Variants in IGF2BP1 observed in about 807,000 individuals in gnomAD.
IGF2BP1 encodes the protein insulin-like growth factor 2 mRNA-binding protein 1.
IGF2BP1 carries 11 observed loss-of-function variants against 74.9 expected under a neutral mutation model. The ratio of observed to expected loss-of-function variants is 0.15; its 90% CI spans 0.09 to 0.24. IGF2BP1 has a LOEUF of 0.24. Ranked by LOEUF, IGF2BP1 falls within the 10% of genes least tolerant of loss-of-function variation. The probability of loss-of-function intolerance (pLI) is 1.00; values close to 1 mark genes in which losing one functional copy is unlikely to be tolerated. For missense variants in IGF2BP1, 440 were observed against 757.4 expected (o/e 0.58, Z 4.92); for synonymous variants, 287 against 281.8 (o/e 1.02, Z -0.18).
At chr17:49,048,546 C>T (rs2042131527) in intron 14 of IGF2BP1, among the ~76,000 whole-genome samples, 1 of 152,152 alleles carries the variant, frequency 6.6e-6, no homozygotes, top group African/African-American at 2.4e-5. Context: ...AGCCACCGTG[C>T]ACCTGGCCAT....
chr17:49,017,056 T>C (rs2144003629), intron 2 of IGF2BP1, among the ~76,000 whole-genome samples: 1 of 150,654 alleles, frequency 6.6e-6, no homozygotes, highest in East Asian at 2.0e-4. Context: ...AAGGACTGAG[T>C]CAGTGGTGAT....
chr17:49,043,511 C>T lies in IGF2BP1; in HGVS notation c.1161C>T (p.Pro387=). Residue 387 remains proline (P), a synonymous_variant, in exon 10 of 15, where the codon CCC becomes CCT. Coordinates refer to ENST00000290341, the MANE Select transcript of IGF2BP1 (RefSeq NM_006546.4). ...CATCCAGCGCAGTCCCGCCGCCTCC[C>T]AGCAGCGTTACTGGGGCTGCTCCCT... The part of the protein sequence containing the change: ...PASSSAVPPP[P]SSVTGAAPYS... 1 of 1,614,110 alleles carries T rather than the reference C, an allele frequency of 6.2e-7. No individual in the cohort carries two copies. The highest frequency in any genetic ancestry group is 8.5e-7 in the Non-Finnish European group (1 of 1,179,982).
At chr17:49,005,931 G>A (rs2041547084) in intron 2 of IGF2BP1, among the ~76,000 whole-genome samples, 1 of 152,066 alleles carries the variant, frequency 6.6e-6, no homozygotes, top group Admixed American at 6.6e-5. Context: ...GTGTGGTGGT[G>A]CATGCCTGTA....
intron 2 of IGF2BP1, among the ~76,000 whole-genome samples, chr17:49,020,719 A>G (rs565176095): frequency 6.6e-6 from 1 of 152,208 alleles, no homozygotes; most frequent in Non-Finnish European, 1.5e-5. Context: ...AAATCAAAAC[A>G]TCCCACCTAT....
chr17:49,051,722 A>G lies in IGF2BP1; in HGVS notation c.*2278A>G, dbSNP rs2042168852. ...AAAAATATACCCTTTAAAAAAACCT[A>G]TATTTCTCTGTCTAAAAATATGGGA... On this transcript the variant is annotated 3_prime_UTR_variant, in exon 15 of 15. Transcript: ENST00000290341. 2.6e-5 allele frequency: 4 copies of G among 152,072 alleles called. No homozygotes were observed. In the South Asian group the frequency reaches 6.2e-4, roughly 24 times the overall value. 9.4% of individuals were successfully genotyped at this position (152,072 alleles called of 1,614,324 possible).
At chr17:49,046,735 A>C (rs1044006628) in intron 14 of IGF2BP1, among the ~76,000 whole-genome samples, 1 of 151,828 alleles carries the variant, frequency 6.6e-6, no homozygotes, top group African/African-American at 2.4e-5. Context: ...AAAGAAGATT[A>C]GTTTTGTTCA....
At chr17:49,034,195 C>T (rs1224610036) in intron 5 of IGF2BP1, among the ~76,000 whole-genome samples, 6 of 149,898 alleles carry the variant, frequency 4.0e-5, no homozygotes, top group African/African-American at 1.5e-4. Flanking sequence ...CTGCAGCTTC[C>T]ACCTCCCGGG....
chr17:49,051,262 CAAGA>C lies in IGF2BP1; in HGVS notation c.*1822_*1825del, dbSNP rs1482805966. 4 of 152,444 alleles carry C rather than the reference CAAGA, an allele frequency of 2.6e-5. No individual in the cohort carries two copies. In the East Asian group the frequency reaches 7.7e-4, roughly 29 times the overall value. The allele number at this position is 152,444 out of a possible 1,614,324, so 9.4% of individuals were successfully genotyped here. ...TTATTTTTTTAATGAAAAGAAAAAA[CAAGA>C]AAGTTATGTTTCATAATTTCTTACA... On this transcript the variant is annotated 3_prime_UTR_variant, in exon 15 of 15. Transcript: ENST00000290341.
intron 2 of IGF2BP1, among the ~76,000 whole-genome samples, chr17:49,016,280 A>G (rs1345836742): frequency 6.6e-6 from 1 of 152,252 alleles, no homozygotes; most frequent in African/African-American, 2.4e-5. Flanking sequence ...CTGTGAAATG[A>G]GGGTGACTGT....
chr17:49,027,649 G>C (rs2041873545), intron 4 of IGF2BP1, among the ~76,000 whole-genome samples: 1 of 151,160 alleles, frequency 6.6e-6, no homozygotes, highest in South Asian at 2.1e-4. Context: ...TCAGGAGATC[G>C]AGACCATCCT....
At chr17:49,011,988 T>TG (rs1312527710) in intron 2 of IGF2BP1, among the ~76,000 whole-genome samples, 1 of 145,270 alleles carries the variant, frequency 6.9e-6, no homozygotes, top group Non-Finnish European at 1.5e-5. Context: ...GCTCACTACA[T>TG]ACAACCTCCG....
chr17:49,033,601 C>G (rs1385941628), intron 5 of IGF2BP1, among the ~76,000 whole-genome samples: 1 of 152,142 alleles, frequency 6.6e-6, no homozygotes, highest in African/African-American at 2.4e-5. Flanking sequence ...CCTCAGCCCC[C>G]CAGAGTGCTG....
At chr17:49,015,878 A>G (rs1268152840) in intron 2 of IGF2BP1, among the ~76,000 whole-genome samples, 1 of 152,172 alleles carries the variant, frequency 6.6e-6, no homozygotes, top group Non-Finnish European at 1.5e-5. Context: ...CCCCACCGCC[A>G]CTTAGCACCT....
chr17:49,007,283 A>G (rs1381623332), intron 2 of IGF2BP1, among the ~76,000 whole-genome samples: 1 of 152,094 alleles, frequency 6.6e-6, no homozygotes, highest in Non-Finnish European at 1.5e-5. Context: ...ATTGTTCCCT[A>G]CTTCTTCTGC....
intron 2 of IGF2BP1, among the ~76,000 whole-genome samples, chr17:49,000,330 G>A (rs1049035808): frequency 1.3e-5 from 2 of 152,114 alleles, no homozygotes; most frequent in Non-Finnish European, 2.9e-5. Flanking sequence ...GGCCTAGAAA[G>A]TTTAATGTGA....
chr17:49,020,970 TA>T (rs33965742), intron 2 of IGF2BP1, among the ~76,000 whole-genome samples: 81,783 of 132,558 alleles, frequency 0.62, 24,895 homozygotes, highest in African/African-American at 0.71. Flanking sequence ...CTCTACAAAT[TA>T]AAAAAAAAAA....
chr17:49,025,894 T>C (rs1462914157), intron 3 of IGF2BP1, among the ~76,000 whole-genome samples: 4 of 151,322 alleles, frequency 2.6e-5, no homozygotes, highest in Non-Finnish European at 5.9e-5. Context: ...TTGCTCTTTT[T>C]GCTTGGGCTG....
intron 8 of IGF2BP1, among the ~76,000 whole-genome samples, chr17:49,042,005 T>C (rs1005580894): frequency 2.0e-5 from 3 of 152,226 alleles, no homozygotes; most frequent in Non-Finnish European, 4.4e-5. Context: ...AATCTGAGAT[T>C]GGATCCATTG....
intron 3 of IGF2BP1, 127 bp downstream of exon 3, chr17:49,025,793 T>C (rs1350320162): frequency 1.6e-6 from 1 of 635,988 alleles, no homozygotes; most frequent in African/African-American, 1.9e-5. Context: ...CTGGGTCTCA[T>C]CCTTTCTTTC....
Sources: allele counts gnomAD v4.1 joint callset (sites outside exome capture counted in the v4.1 genomes callset), GRCh38; gene constraint gnomAD v4.1.1; transcripts MANE v1.5; gene names NCBI Gene and HGNC (gene_info 2026-07-23, HGNC 2026-07-21).